HACE1: variants seen among roughly 807,000 people sequenced by gnomAD.
The protein encoded by HACE1 is E3 ubiquitin-protein ligase HACE1.
Under a neutral mutation model 118.4 loss-of-function variants are expected in HACE1, and 73 were observed. The ratio of observed to expected loss-of-function variants is 0.62; its 90% CI spans 0.51 to 0.75. The LOEUF is 0.75. HACE1 is among the 30% of genes least tolerant of loss of function. The pLI, the probability that HACE1 is intolerant of heterozygous loss-of-function variation, is 0.00. For synonymous variants in HACE1, 368 were observed against 374.8 expected (o/e 0.98, Z 0.21); for missense variants, 749 against 1,102.2 (o/e 0.68, Z 4.54).
At chr6:104,737,246 G>A (rs1287052844) in intron 22 of HACE1, among the ~76,000 whole-genome samples, 1 of 132,128 alleles carries the variant, frequency 7.6e-6, no homozygotes, top group African/African-American at 2.9e-5. Flanking sequence ...TCGAGCCACT[G>A]CACTCCAGCC....
At position 104,772,094 on chromosome 6, in the gene HACE1, A is replaced by G. The variant is rs568482340; in HGVS notation, c.1865-20T>C. 2.0e-5 allele frequency: 26 copies of G among 1,295,956 alleles called. No individual in the cohort carries two copies. In the South Asian group the frequency reaches 2.8e-4, roughly 14 times the overall value. The allele number at this position is 1,295,956 out of a possible 1,614,324, so 80.3% of individuals were successfully genotyped here. On this transcript the variant is annotated intron_variant, in intron 17 of 23. Transcript: ENST00000262903. ...TTGTTCCTATTGAAATAAATACAAA[A>G]TAATATATTATTAAGAATCTATATG...
At chr6:104,828,622 T>C (rs1375621968) in intron 6 of HACE1, among the ~76,000 whole-genome samples, 1 of 152,036 alleles carries the variant, frequency 6.6e-6, no homozygotes, top group Non-Finnish European at 1.5e-5. Context: ...TTTAAAATCA[T>C]GGTGCTATTA....
rs1778965698 is a variant in HACE1 at position 104,758,478 on chromosome 6, C to G, written c.2212-8006G>C. On this transcript the variant is annotated intron_variant, in intron 19 of 23. Coordinates refer to ENST00000262903, the MANE Select transcript of HACE1 (RefSeq NM_020771.4). The stretch of plus-strand genomic sequence containing the variant: ...TTCATAAGTGAAAGAGAAATAAAAT[C>G]CTTTCCAGACAAGCAAATGCTGAGA... Among the ~76,000 whole-genome samples, 2 of 152,112 alleles carry G rather than the reference C, an allele frequency of 1.3e-5. 1 individual carries two copies. The highest frequency in any genetic ancestry group is 4.1e-4 in the South Asian group (2 of 4,824).
intron 6 of HACE1, among the ~76,000 whole-genome samples, chr6:104,828,435 C>T (rs1209907537): frequency 1.3e-5 from 2 of 151,882 alleles, no homozygotes; most frequent in African/African-American, 4.8e-5. Flanking sequence ...AGTTGAATAA[C>T]CAAACTTTGA....
chr6:104,748,556 G>C (rs984636768), intron 20 of HACE1, among the ~76,000 whole-genome samples: 11 of 152,120 alleles, frequency 7.2e-5, no homozygotes, highest in African/African-American at 2.4e-4. Flanking sequence ...CACAGCCTAT[G>C]TCCCAGCAAT....
intron 1 of HACE1, among the ~76,000 whole-genome samples, chr6:104,853,819 G>A (rs1342550708): frequency 1.3e-5 from 2 of 152,028 alleles, no homozygotes; most frequent in Non-Finnish European, 2.9e-5. Flanking sequence ...ATCCGCAGGG[G>A]ATACATTCCA....
At chr6:104,846,118 G>A (rs1470443183) in intron 4 of HACE1, among the ~76,000 whole-genome samples, 1 of 152,174 alleles carries the variant, frequency 6.6e-6, no homozygotes, top group Non-Finnish European at 1.5e-5. Flanking sequence ...TTCCAAAAAT[G>A]AATTGCAAAA....
intron 13 of HACE1, 110 bp from the exon 14 acceptor site, chr6:104,784,283 A>C: frequency 1.2e-6 from 1 of 867,744 alleles, no homozygotes; most frequent in Admixed American, 1.8e-5. Flanking sequence ...ATAATAATCC[A>C]TATCTATTAA....
chr6:104,789,354 G>C (rs934236649), intron 11 of HACE1, among the ~76,000 whole-genome samples: 1 of 152,040 alleles, frequency 6.6e-6, no homozygotes, highest in Non-Finnish European at 1.5e-5. Context: ...GAGAAAATAA[G>C]TGATGAGAAG....
chr6:104,772,575 A>C (rs1190691474), intron 17 of HACE1, among the ~76,000 whole-genome samples: 1 of 152,204 alleles, frequency 6.6e-6, no homozygotes, highest in Non-Finnish European at 1.5e-5. Context: ...GTAAATGTAC[A>C]ACTGCTCTTA....
rs1046744563 is a variant in HACE1, at chr6:104,833,330, T to C, written c.403-157A>G. Among the ~76,000 whole-genome samples the C allele has an allele frequency of 1.8e-4, 27 of 152,222 alleles. 1 individual carries two copies. The highest frequency in any genetic ancestry group is 1.8e-3 in the Admixed American group (27 of 15,286). Reference sequence around the variant, plus strand: ...GGTTTAAAACTAAAGGTATTTTAAGTCCATGTCATTTTTTTCCTTTTTTAA... The same window carrying C: ...GGTTTAAAACTAAAGGTATTTTAAGCCCATGTCATTTTTTTCCTTTTTTAA... On this transcript the variant is annotated intron_variant, in intron 5 of 23. Transcript: ENST00000262903.
intron 19 of HACE1, among the ~76,000 whole-genome samples, chr6:104,765,549 C>G (rs1041125220): frequency 3.7e-4 from 56 of 152,344 alleles, no homozygotes; most frequent in African/African-American, 1.3e-3. Context: ...TGGCAAATTC[C>G]TCACTGAATT....
At chr6:104,749,512 T>C (rs1321876080) in intron 20 of HACE1, among the ~76,000 whole-genome samples, 1 of 152,138 alleles carries the variant, frequency 6.6e-6, no homozygotes, top group Non-Finnish European at 1.5e-5. Flanking sequence ...TCTGTATCCA[T>C]ATACTAAAAT....
intron 19 of HACE1, among the ~76,000 whole-genome samples, chr6:104,760,292 A>C (rs1241376859): frequency 6.6e-6 from 1 of 152,236 alleles, no homozygotes; most frequent in Non-Finnish European, 1.5e-5. Flanking sequence ...CAATGCAAAA[A>C]TACTCAATAA....
rs1781291472 is a variant in HACE1 at position 104,777,050 on chromosome 6, T to C, written c.1739A>G (p.Gln580Arg). Residue 580 changes from glutamine (Q) to arginine (R), a missense_variant, in exon 16 of 24, where the codon CAA becomes CGA. Around this residue, in one of 5 missense-constraint regions of HACE1, gnomAD observed 195 missense variants for 322.1 expected, o/e 0.61. Transcript: ENST00000262903. ...TCCATGGAACCGTACAGCAATCCCT[T>C]GCTTTAGCTTTGCACAATTTGCTTT... The part of the protein sequence containing the change: ...VSKANCAKLK[Q>R]GIAVRFHGEE... 1 of 1,613,008 alleles carries C rather than the reference T, an allele frequency of 6.2e-7. No homozygotes were observed. The highest frequency in any genetic ancestry group is 8.5e-7 in the Non-Finnish European group (1 of 1,179,144).
At chr6:104,748,822 T>C (rs993684866) in intron 20 of HACE1, among the ~76,000 whole-genome samples, 8 of 152,190 alleles carry the variant, frequency 5.3e-5, no homozygotes, top group Non-Finnish European at 8.8e-5. Flanking sequence ...ATTTACATAA[T>C]TCTAAAATAG....
At chr6:104,840,729 C>A (rs1401703533) in intron 5 of HACE1, among the ~76,000 whole-genome samples, 1 of 152,002 alleles carries the variant, frequency 6.6e-6, no homozygotes, top group African/African-American at 2.4e-5. Flanking sequence ...TTTGGGAGGC[C>A]AAGGCGGGCA....
At chr6:104,826,204 T>C (rs1363345399) in intron 6 of HACE1, among the ~76,000 whole-genome samples, 4 of 152,180 alleles carry the variant, frequency 2.6e-5, no homozygotes, top group Admixed American at 6.5e-5. Flanking sequence ...TTGTCTTCCA[T>C]GAAACTGGGC....
At chr6:104,750,875 AAT>A (rs971316082) in intron 19 of HACE1, among the ~76,000 whole-genome samples, 2 of 152,140 alleles carry the variant, frequency 1.3e-5, no homozygotes, top group East Asian at 1.9e-4. Context: ...GTGATTTAAA[AAT>A]ATATATATGT....
Sources: gnomAD v4.1 joint callset for allele counts (sites outside exome capture counted in the v4.1 genomes callset) on GRCh38, gnomAD v4.1.1 for gene constraint, gnomAD v4.1.1 regional missense constraint, MANE v1.5 for transcripts, NCBI Gene and HGNC (gene_info 2026-07-23, HGNC 2026-07-21) for gene names.